ZC3H4: variants seen among roughly 807,000 people sequenced by gnomAD.
ZC3H4 encodes the protein zinc finger CCCH domain-containing protein 4.
Under a neutral mutation model 108.3 loss-of-function variants are expected in ZC3H4, and 13 were observed. That is an observed-to-expected ratio of 0.12 (90% CI 0.08 to 0.19). The LOEUF (loss-of-function observed/expected upper bound fraction) is 0.19, where lower values mean the gene tolerates loss of function less well. ZC3H4 is among the 10% of genes least tolerant of loss of function. ZC3H4 has a pLI of 1.00. For missense variants in ZC3H4, 1,734 were observed against 1,838.8 expected, an observed-to-expected ratio of 0.94 and a Z score of 1.04; for synonymous variants, 917 against 749.6, an observed-to-expected ratio of 1.22 and a Z score of -3.65.
chr19:47,112,133 G>A, intron 2 of ZC3H4: 1 of 1,100,606 alleles, frequency 9.1e-7, no homozygotes, highest in South Asian at 4.5e-5. Context: ...GGGGGTCCGA[G>A]GGGCGCCTCC....
rs201437060 is a variant in ZC3H4 at position 47,067,604 on chromosome 19, G to A, written c.2664C>T (p.Ser888=). The change falls in exon 15 of 15, where the codon TCC becomes TCT. Residue 888 remains serine (S), a synonymous_variant. Transcript: ENST00000253048. This position sits in a 1 kb window ranked among gnomAD's most constrained non-coding sequence, Gnocchi z 6.4. ...GCAGGGCGCGAGCCAGCCGAGGATC[G>A]GAGGGTCCCGAATCACCTGGGCCAG... ...GGSGPGDSGP[S]DPRLARALPT... is the part of the protein sequence containing the mutation. The A allele has an allele frequency of 3.6e-3, 5,716 of 1,606,254 alleles. 15 individuals are homozygous for A. The highest frequency in any genetic ancestry group is 4.4e-3 in the Non-Finnish European group (5,180 of 1,177,824).
rs1311437523 is a variant in ZC3H4, at chr19:47,066,034, C to T, written c.*322G>A. The T allele has an allele frequency of 1.7e-5, 4 of 233,312 alleles. No individual in the cohort carries two copies. The East Asian group carries it at 3.4e-4, about 20-fold the overall frequency. 14.5% of individuals were successfully genotyped at this position (233,312 alleles called of 1,614,324 possible). A position where few individuals can be genotyped will look rare whatever the true frequency, so the allele number is the denominator to read the frequency against. ...CCCAGAAAACCCACTGGGCCTCCAG[C>T]AAGGCCCGGCCACGCAGAGCCCACA... On this transcript the variant is annotated 3_prime_UTR_variant, in exon 15 of 15. Transcript: ENST00000253048.
chr19:47,109,497 GGGAAACTTCAAATAA>G (rs2058009423), intron 2 of ZC3H4, among the ~76,000 whole-genome samples: 1 of 152,152 alleles, frequency 6.6e-6, no homozygotes, highest in South Asian at 2.1e-4. Flanking sequence ...TACAAAGGAT[GGGAAACTTCAAATAA>G]GTGCAATTCA....
intron 2 of ZC3H4, among the ~76,000 whole-genome samples, chr19:47,095,967 C>T (rs938542004): frequency 3.3e-5 from 5 of 152,144 alleles, no homozygotes; most frequent in Non-Finnish European, 7.3e-5. Context: ...GCTGCCCAAG[C>T]GGGAGCCAAT....
At chr19:47,113,151 CGGGA>C (rs1298663612) in intron 1 of ZC3H4, 2 of 152,384 alleles carry the variant, frequency 1.3e-5, no homozygotes, top group African/African-American at 4.8e-5. Context: ...GAGGCTGAGG[CGGGA>C]GGAAGGGTGA....
At chr19:47,097,738 T>C (rs2057844999) in intron 2 of ZC3H4, among the ~76,000 whole-genome samples, 1 of 152,104 alleles carries the variant, frequency 6.6e-6, no homozygotes, top group African/African-American at 2.4e-5. Context: ...GACCTCGACA[T>C]AATCCCCCAA....
chr19:47,107,403 T>C (rs1269738695), intron 2 of ZC3H4, among the ~76,000 whole-genome samples: 1 of 152,182 alleles, frequency 6.6e-6, no homozygotes, highest in Non-Finnish European at 1.5e-5. Context: ...CGATGCCTAC[T>C]GCACACTGCC....
chr19:47,084,881 C>T (rs1488700632), intron 8 of ZC3H4, among the ~76,000 whole-genome samples, 175 bp downstream of exon 8: 5 of 152,140 alleles, frequency 3.3e-5, no homozygotes, highest in Admixed American at 6.5e-5. Flanking sequence ...TCAGCAGCAG[C>T]GCATCTCCCC....
intron 2 of ZC3H4, among the ~76,000 whole-genome samples, chr19:47,104,542 T>C (rs970476769): frequency 1.6e-4 from 24 of 152,330 alleles, no homozygotes; most frequent in African/African-American, 5.5e-4. Context: ...ATTTCATCAA[T>C]AGAAACAGTA....
At chr19:47,112,213 A>C (rs2058048422) in intron 2 of ZC3H4, 2 of 1,166,612 alleles carry the variant, frequency 1.7e-6, no homozygotes, top group African/African-American at 1.6e-5. Flanking sequence ...GAGCGCCGCG[A>C]GGGGGGGGAA....
At chr19:47,104,022 C>T (rs1474724576) in intron 2 of ZC3H4, among the ~76,000 whole-genome samples, 1 of 150,966 alleles carries the variant, frequency 6.6e-6, no homozygotes, top group Non-Finnish European at 1.5e-5. Context: ...TCATATACCA[C>T]CTAAAGAATT....
intron 4 of ZC3H4, among the ~76,000 whole-genome samples, chr19:47,092,289 GAC>G (rs1205863730): frequency 6.6e-6 from 1 of 152,170 alleles, no homozygotes; most frequent in Non-Finnish European, 1.5e-5. Flanking sequence ...AATACAGCTA[GAC>G]ACACAGACAC....
chr19:47,084,905 T>G, intron 8 of ZC3H4, 151 bp downstream of exon 8: 1 of 1,020,530 alleles, frequency 9.8e-7, no homozygotes, highest in Middle Eastern at 2.2e-4. Flanking sequence ...ATAACTCTAG[T>G]TGTCGCTGGT....
chr19:47,065,447 C>G lies in ZC3H4; in HGVS notation c.*909G>C, dbSNP rs1005297304. ...GATCCTGGAGCTGTCCGGGGCTGGG[C>G]TGCAGTGCAGGCATAGCGGGTGCGT... On this transcript the variant is annotated 3_prime_UTR_variant, in exon 15 of 15. Transcript: ENST00000253048. The G allele has an allele frequency of 6.5e-6, 1 of 152,840 alleles. No individual in the cohort carries two copies. The highest frequency in any genetic ancestry group is 1.5e-5 in the Non-Finnish European group (1 of 68,212). The allele number at this position is 152,840 out of a possible 1,614,324, so 9.5% of individuals were successfully genotyped here.
intron 11 of ZC3H4, among the ~76,000 whole-genome samples, chr19:47,074,933 G>A (rs1028430360): frequency 6.6e-6 from 1 of 152,188 alleles, no homozygotes; most frequent in East Asian, 1.9e-4. Flanking sequence ...CCCCCAGCAA[G>A]TTGCTCTGGG....
intron 5 of ZC3H4, 90 bp from the exon 6 acceptor site, chr19:47,086,628 T>C: frequency 6.8e-7 from 1 of 1,462,602 alleles, no homozygotes; most frequent in Non-Finnish European, 8.9e-7. Flanking sequence ...CTGAGGTCAA[T>C]CACTTCAGCT....
Position 47,071,918 on chromosome 19 carries a change from G to A in ZC3H4, c.2006C>T (p.Pro669Leu), listed in dbSNP as rs1381548940. The A allele has an allele frequency of 1.2e-6, 2 of 1,612,322 alleles. No individual in the cohort carries two copies. The highest frequency in any genetic ancestry group is 2.2e-5 in the South Asian group (2 of 90,836). ...TCCAGGGCCGTAGGGCATCATTGGA[G>A]GGCCGCCAGGGCCCATGGGTGGGCC... ...NPGPPMGPGG[P>L]PMMPYGPGDS... Residue 669 changes from proline to leucine, a missense_variant, in exon 13 of 15, where the codon CCT (proline) becomes CTT (leucine). Physicochemically the swap from Pro to Leu is moderately conservative, Grantham distance 98. Transcript: ENST00000253048.
chr19:47,110,878 A>T (rs1338105963), intron 2 of ZC3H4: 11 of 983,546 alleles, frequency 1.1e-5, no homozygotes, highest in Non-Finnish European at 1.3e-5. Context: ...GAAAAAAAAA[A>T]TGTTGTAAAA....
intron 2 of ZC3H4, among the ~76,000 whole-genome samples, chr19:47,097,257 C>CTACT (rs1367915544): frequency 6.6e-6 from 1 of 152,230 alleles, no homozygotes; most frequent in East Asian, 1.9e-4. Flanking sequence ...CAGGCAGTGA[C>CTACT]TACTTGAAAT....
Sources: gnomAD v4.1 joint callset for allele counts (sites outside exome capture counted in the v4.1 genomes callset) on GRCh38, gnomAD v4.1.1 for gene constraint, Gnocchi (gnomAD v3.1) non-coding constraint, MANE v1.5 for transcripts, NCBI Gene and HGNC (gene_info 2026-07-23, HGNC 2026-07-21) for gene names.